RUNX1: variants seen among roughly 807,000 people sequenced by gnomAD.
The protein encoded by RUNX1 is RUNX family transcription factor 1, also known as runt-related transcription factor 1.
In RUNX1, 19 loss-of-function variants were observed where a neutral mutation model predicts 42.8. The ratio of observed to expected loss-of-function variants is 0.44; its 90% CI spans 0.31 to 0.65. The LOEUF is 0.65. RUNX1 is among the 30% of genes least tolerant of loss of function. The probability of loss-of-function intolerance (pLI) is 0.07; values close to 1 mark genes in which losing one functional copy is unlikely to be tolerated. For synonymous variants in RUNX1, 271 were observed against 289.4 expected (o/e 0.94, Z 0.64); for missense variants, 528 against 672.0 (o/e 0.79, Z 2.37).
chr21:34,930,539 G>A (rs891429701), intron 2 of RUNX1, among the ~76,000 whole-genome samples: 3 of 151,746 alleles, frequency 2.0e-5, no homozygotes, highest in African/African-American at 7.3e-5. Flanking sequence ...GTGCTCAATG[G>A]GCACATGTGG....
At chr21:35,030,199 C>T (rs951871358) in intron 2 of RUNX1, among the ~76,000 whole-genome samples, 23 of 152,058 alleles carry the variant, frequency 1.5e-4, no homozygotes, top group South Asian at 2.1e-4. Context: ...AAAAATTAGC[C>T]GGGCATGGCG....
chr21:34,949,565 G>A (rs543003921), intron 2 of RUNX1, among the ~76,000 whole-genome samples: 2 of 152,366 alleles, frequency 1.3e-5, no homozygotes, highest in Admixed American at 6.5e-5. Flanking sequence ...AATGAGGCAA[G>A]AGAACTTTGC....
In RUNX1 at chr21:34,879,615, T is replaced by C. The variant is rs184604074; in HGVS notation, c.508+942A>G. On this transcript the variant is annotated intron_variant, in intron 5 of 8. Coordinates refer to ENST00000675419, the MANE Select transcript of RUNX1 (RefSeq NM_001754.5). Reference sequence around the variant, plus strand: ...CTGTTATTTAGGTATTTACCATAAGTCTTTTTATTATACTTGAAATAACTT... The same window carrying C: ...CTGTTATTTAGGTATTTACCATAAGCCTTTTTATTATACTTGAAATAACTT... Among the ~76,000 whole-genome samples the C allele has an allele frequency of 4.9e-4, 75 of 152,312 alleles. No homozygotes were observed. In the South Asian group the frequency reaches 7.5e-3, roughly 15 times the overall value.
At chr21:34,890,153 G>A (rs780049341) in intron 3 of RUNX1, among the ~76,000 whole-genome samples, 19 of 151,878 alleles carry the variant, frequency 1.3e-4, no homozygotes, top group Non-Finnish European at 1.8e-4. Context: ...CCTTTCCCGG[G>A]CGGGCCCGGA....
chr21:34,855,498 A>G (rs2057482998), intron 6 of RUNX1, among the ~76,000 whole-genome samples: 1 of 152,182 alleles, frequency 6.6e-6, no homozygotes, highest in Admixed American at 6.5e-5. Context: ...TGAGGTCAGG[A>G]GTTCGAGACC....
At chr21:34,912,245 T>A (rs2058278259) in intron 2 of RUNX1, among the ~76,000 whole-genome samples, 1 of 148,538 alleles carries the variant, frequency 6.7e-6, no homozygotes, top group South Asian at 2.2e-4. Context: ...AGCAAGGAGA[T>A]GATGACTGCC....
intron 2 of RUNX1, among the ~76,000 whole-genome samples, chr21:34,965,629 T>C (rs1297357760): frequency 6.6e-6 from 1 of 152,184 alleles, no homozygotes; most frequent in East Asian, 1.9e-4. Flanking sequence ...CATGTCCTTG[T>C]TTACTTTCTG....
rs556993442 is a variant in RUNX1 at position 34,893,633 on chromosome 21, TTACTC to T, written c.59-675_59-671del. Among the ~76,000 whole-genome samples the T allele has an allele frequency of 3.1e-3, 475 of 152,284 alleles. 3 individuals are homozygous for T. Among genetic ancestry groups the T allele is most frequent in the African/African-American group, 0.011 (437 of 41,558 alleles). ...TACATATAATGTTGTGAATTTGAAA[TTACTC>T]TATCAGCCTTGTATATTGATAACAG... On this transcript the variant is annotated intron_variant, in intron 2 of 8. Transcript: ENST00000675419.
chr21:34,993,618 CACAG>C (rs1355865777), intron 2 of RUNX1, among the ~76,000 whole-genome samples: 1 of 112,490 alleles, frequency 8.9e-6, no homozygotes, highest in Non-Finnish European at 1.8e-5. Context: ...CAGGCACACA[CACAG>C]ACACACACAC....
intron 2 of RUNX1, among the ~76,000 whole-genome samples, chr21:34,908,429 G>GA (rs150505053): frequency 0.011 from 1,681 of 152,192 alleles, 43 homozygotes; most frequent in African/African-American, 0.037. Flanking sequence ...TGTCCTCGGG[G>GA]AAAAAAAGTA....
intron 2 of RUNX1, 121 bp downstream of exon 2, chr21:35,048,721 A>T: frequency 1.2e-6 from 1 of 835,228 alleles, no homozygotes; most frequent in Non-Finnish European, 2.1e-6. Context: ...AATTCCTCTC[A>T]CAAACAAGAC....
intron 7 of RUNX1, among the ~76,000 whole-genome samples, chr21:34,825,545 A>G (rs2056974717): frequency 1.3e-5 from 2 of 152,222 alleles, no homozygotes; most frequent in African/African-American, 4.8e-5. Context: ...GCATTTGTGC[A>G]TGAGATGTTC....
At chr21:34,858,841 GC>G (rs1421465600) in intron 6 of RUNX1, among the ~76,000 whole-genome samples, 1 of 152,164 alleles carries the variant, frequency 6.6e-6, no homozygotes, top group Non-Finnish European at 1.5e-5. Flanking sequence ...CATCTTTTCT[GC>G]AGACTAAACA....
At chr21:34,844,897 C>G (rs2057294978) in intron 6 of RUNX1, among the ~76,000 whole-genome samples, 2 of 152,228 alleles carry the variant, frequency 1.3e-5, no homozygotes, top group African/African-American at 4.8e-5. Context: ...ACAGGGTACC[C>G]TGGCCACTCA....
intron 2 of RUNX1, among the ~76,000 whole-genome samples, chr21:34,920,008 C>G (rs779769683): frequency 1.3e-5 from 2 of 152,198 alleles, no homozygotes; most frequent in African/African-American, 4.8e-5. Flanking sequence ...AAAGCCTCTT[C>G]CTTTCAGGAG....
chr21:34,961,686 C>CG (rs1418856263), intron 2 of RUNX1, among the ~76,000 whole-genome samples: 1 of 152,120 alleles, frequency 6.6e-6, no homozygotes. Flanking sequence ...CGGTTACAGT[C>CG]CCTAGGTGAG....
chr21:34,938,524 C>T (rs148308403), intron 2 of RUNX1, among the ~76,000 whole-genome samples: 14 of 152,062 alleles, frequency 9.2e-5, no homozygotes, highest in Middle Eastern at 3.4e-3. Flanking sequence ...CTTACACCTC[C>T]TCCTTCTCCT....
At chr21:35,033,872 G>A (rs2059289333) in intron 2 of RUNX1, among the ~76,000 whole-genome samples, 2 of 152,108 alleles carry the variant, frequency 1.3e-5, no homozygotes, top group Admixed American at 6.5e-5. Context: ...TCAAAATCAG[G>A]CACTGGGAGG....
chr21:35,042,863 C>T (rs768945302), intron 2 of RUNX1, among the ~76,000 whole-genome samples: 3 of 152,224 alleles, frequency 2.0e-5, no homozygotes, highest in Non-Finnish European at 4.4e-5. Context: ...CTTACTCTTT[C>T]TGTCACTGCA....
Sources: gnomAD v4.1 joint callset for allele counts (sites outside exome capture counted in the v4.1 genomes callset) on GRCh38, gnomAD v4.1.1 for gene constraint, MANE v1.5 for transcripts, NCBI Gene and HGNC (gene_info 2026-07-23, HGNC 2026-07-21) for gene names.